Variants in SMAD9 observed in about 807,000 individuals in gnomAD.
SMAD9 encodes SMAD family member 9, also known as MAD homolog 9.
In SMAD9, 36 loss-of-function variants were observed where a neutral mutation model predicts 46.1. The observed-to-expected ratio is 0.78, with a 90% CI of 0.60 to 1.03. The LOEUF (loss-of-function observed/expected upper bound fraction) is 1.03, where lower values mean the gene tolerates loss of function less well. Among genes scored for constraint, SMAD9 ranks in the 50% least tolerant of loss-of-function variants. The pLI, the probability that SMAD9 is intolerant of heterozygous loss-of-function variation, is 0.00. For synonymous variants in SMAD9, 245 were observed against 237.1 expected, an observed-to-expected ratio of 1.03 and a Z score of -0.31; for missense variants, 572 against 599.8, an observed-to-expected ratio of 0.95 and a Z score of 0.48.
intron 6 of SMAD9, among the ~76,000 whole-genome samples, chr13:36,850,737 G>A (rs567281830): frequency 3.9e-5 from 6 of 152,140 alleles, no homozygotes; most frequent in South Asian, 2.1e-4. Flanking sequence ...AGTTAAATAC[G>A]GTCCCTTTGC....
Position 36,883,410 on chromosome 13 carries a change from G to C in SMAD9, c.-186-3535C>G, listed in dbSNP as rs550597696. ...GGAAAGTCTGGAAAGATTCCTGAGA[G>C]GATAACTGGGCTGCACTTAAAAGGA... On this transcript the variant is annotated intron_variant, in intron 1 of 6. Coordinates refer to ENST00000379826, the MANE Select transcript of SMAD9 (RefSeq NM_001127217.3). 2.0e-5 allele frequency among the ~76,000 whole-genome samples: 3 copies of C among 152,182 alleles called. No homozygotes were observed. In the South Asian group the frequency reaches 6.2e-4, roughly 31 times the overall value.
intron 5 of SMAD9, among the ~76,000 whole-genome samples, chr13:36,865,251 T>C (rs1161999820): frequency 6.6e-6 from 1 of 152,206 alleles, no homozygotes; most frequent in African/African-American, 2.4e-5. Context: ...ATTTAATAAT[T>C]TCATCCGGCT....
intron 5 of SMAD9, among the ~76,000 whole-genome samples, chr13:36,854,671 C>T (rs993252672): frequency 1.3e-5 from 2 of 152,020 alleles, no homozygotes; most frequent in African/African-American, 4.8e-5. Flanking sequence ...TGCACCCAGC[C>T]CACAAATTTT....
chr13:36,862,983 G>A (rs1051659804), intron 5 of SMAD9, among the ~76,000 whole-genome samples: 38 of 152,144 alleles, frequency 2.5e-4, no homozygotes, highest in Non-Finnish European at 3.8e-4. Flanking sequence ...TGCATCCCTC[G>A]TGTCCAGTCT....
At chr13:36,888,440 A>G (rs1051632317) in intron 1 of SMAD9, among the ~76,000 whole-genome samples, 1 of 151,990 alleles carries the variant, frequency 6.6e-6, no homozygotes, top group African/African-American at 2.4e-5. Flanking sequence ...AGTCAATTAA[A>G]CCTCTTTTGT....
intron 1 of SMAD9, among the ~76,000 whole-genome samples, chr13:36,911,040 C>G (rs1261111929): frequency 6.6e-6 from 1 of 152,102 alleles, no homozygotes; most frequent in Non-Finnish European, 1.5e-5. Flanking sequence ...GGGTCTTGCT[C>G]TGTCACCCAG....
chr13:36,920,255 A>C (rs1028064014), upstream of SMAD9: 2 of 151,594 alleles, frequency 1.3e-5, no homozygotes, highest in Non-Finnish European at 2.9e-5. Flanking sequence ...GCGAAGCCTC[A>C]TCGCCCGTAT....
At position 36,900,473 on chromosome 13, in the gene SMAD9, G is replaced by T. The variant is rs575072105; in HGVS notation, c.-187+19643C>A. Among the ~76,000 whole-genome samples the T allele has an allele frequency of 3.8e-4, 58 of 151,992 alleles. 1 individual carries two copies. In the South Asian group the frequency reaches 8.3e-3, roughly 22 times the overall value. The stretch of plus-strand genomic sequence containing the variant: ...TTTTTGTATTTTTAGTAGAGATGGG[G>T]TTTCACCATGTTGGTCAGGCTGGTC... On this transcript the variant is annotated intron_variant, in intron 1 of 6. Coordinates refer to ENST00000379826, the MANE Select transcript of SMAD9 (RefSeq NM_001127217.3).
intron 1 of SMAD9, among the ~76,000 whole-genome samples, chr13:36,905,774 CAAAAAAAAAAAAAAAAAAAAAAAAAA>C (rs60358673): frequency 2.0e-4 from 13 of 66,464 alleles, no homozygotes; most frequent in African/African-American, 5.2e-4. Flanking sequence ...GACCCTGTCT[CAAAAAAAAAAAAAAAAAAAAAAAAAA>C]AAAAAAAAAA....
At chr13:36,883,443 C>G (rs1467251501) in intron 1 of SMAD9, among the ~76,000 whole-genome samples, 1 of 152,176 alleles carries the variant, frequency 6.6e-6, no homozygotes, top group Non-Finnish European at 1.5e-5. Context: ...GGATTTAAAT[C>G]ACAGTTAAAA....
intron 1 of SMAD9, among the ~76,000 whole-genome samples, chr13:36,891,819 T>C (rs985461977): frequency 6.6e-6 from 1 of 152,204 alleles, no homozygotes; most frequent in Non-Finnish European, 1.5e-5. Flanking sequence ...GCACTATCAT[T>C]CGTCTGCTCC....
rs779058434 is a variant in SMAD9 at position 36,853,696 on chromosome 13, C to A, written c.1004-21G>T. The A allele has an allele frequency of 5.0e-6, 8 of 1,613,230 alleles. No homozygotes were observed. In the African/African-American group the frequency reaches 8.0e-5, roughly 16 times the overall value. On this transcript the variant is annotated intron_variant, in intron 5 of 6. Coordinates refer to ENST00000379826, the MANE Select transcript of SMAD9 (RefSeq NM_001127217.3). The stretch of plus-strand genomic sequence containing the variant: ...CACACCTGCAGACACAAAAACACAG[C>A]CTTCCTTCACATGCCCTTTCATAGC...
At chr13:36,905,899 T>C (rs1052181908) in intron 1 of SMAD9, among the ~76,000 whole-genome samples, 6 of 151,970 alleles carry the variant, frequency 3.9e-5, no homozygotes, top group South Asian at 2.1e-4. Context: ...TTTCTTGCTA[T>C]GTCTCAAGCA....
chr13:36,859,442 A>C (rs1189743558), intron 5 of SMAD9, among the ~76,000 whole-genome samples: 2 of 152,206 alleles, frequency 1.3e-5, no homozygotes, highest in Admixed American at 6.5e-5. Flanking sequence ...GGTTGGCACA[A>C]GATACAGGTC....
intron 5 of SMAD9, among the ~76,000 whole-genome samples, chr13:36,857,746 T>A (rs1187694551): frequency 1.3e-5 from 2 of 152,058 alleles, no homozygotes; most frequent in African/African-American, 4.8e-5. Context: ...GATACCCTCC[T>A]TACTGGGAGG....
chr13:36,873,707 A>G (rs1389270373), intron 2 of SMAD9, among the ~76,000 whole-genome samples: 1 of 152,114 alleles, frequency 6.6e-6, no homozygotes, highest in Non-Finnish European at 1.5e-5. Context: ...TATTAAAAAT[A>G]CAACAATTAG....
At chr13:36,858,019 AG>A (rs1441552486) in intron 5 of SMAD9, among the ~76,000 whole-genome samples, 5 of 152,186 alleles carry the variant, frequency 3.3e-5, no homozygotes, top group Non-Finnish European at 5.9e-5. Context: ...GATGGGAAAA[AG>A]GATATGAAGC....
intron 1 of SMAD9, among the ~76,000 whole-genome samples, chr13:36,908,807 A>T (rs2058637985): frequency 6.6e-6 from 1 of 152,220 alleles, no homozygotes; most frequent in African/African-American, 2.4e-5. Flanking sequence ...TCTCACTGTA[A>T]AATCAGAGAC....
chr13:36,902,741 C>A (rs921120836), intron 1 of SMAD9, among the ~76,000 whole-genome samples: 1 of 152,176 alleles, frequency 6.6e-6, no homozygotes, highest in Non-Finnish European at 1.5e-5. Context: ...CAGGCGTGAG[C>A]CACCGCACCC....
Sources: gnomAD v4.1 joint callset for allele counts (sites outside exome capture counted in the v4.1 genomes callset) on GRCh38, gnomAD v4.1.1 for gene constraint, MANE v1.5 for transcripts, NCBI Gene and HGNC (gene_info 2026-07-23, HGNC 2026-07-21) for gene names.